ZDHHC1: variants seen among roughly 807,000 people sequenced by gnomAD.
ZDHHC1 encodes the protein palmitoyltransferase ZDHHC1.
A neutral mutation model predicts 46.9 loss-of-function variants in ZDHHC1; 45 were observed. The observed-to-expected ratio is 0.96, with a 90% CI of 0.76 to 1.23. ZDHHC1 has a LOEUF of 1.23. Among genes scored for constraint, ZDHHC1 ranks in the 50% most tolerant of loss-of-function variants. The pLI, the probability that ZDHHC1 is intolerant of heterozygous loss-of-function variation, is 0.00. For synonymous variants in ZDHHC1, 291 were observed against 286.0 expected (o/e 1.02, Z -0.18); for missense variants, 649 against 670.8 (o/e 0.97, Z 0.36).
At chr16:67,400,326 GA>G (rs2040526731) in intron 4 of ZDHHC1, among the ~76,000 whole-genome samples, 1 of 152,168 alleles carries the variant, frequency 6.6e-6, no homozygotes, top group Non-Finnish European at 1.5e-5. Flanking sequence ...GAAGGGTGGA[GA>G]GGGGCCCCTA....
At position 67,394,716 on chromosome 16, in the gene ZDHHC1, C is replaced by A; in HGVS notation, c.1343G>T (p.Gly448Val). Residue 448 changes from glycine (G) to valine (V), a missense_variant, in exon 12 of 12, where the codon GGC becomes GTC. Physicochemically the swap from Gly to Val is moderately radical, Grantham distance 109 (BLOSUM62 -3). Transcript: ENST00000565726. ...SAALAAPRGR[G>V]RQPTLARQAR... Reference sequence around the variant, plus strand: ...CTGCCGCGCCAGCGTGGGCTGTCGGCCCCGGCCCCGCGGGGCGGCCAGAGC... The same window carrying A: ...CTGCCGCGCCAGCGTGGGCTGTCGGACCCGGCCCCGCGGGGCGGCCAGAGC... The A allele has an allele frequency of 7.3e-7, 1 of 1,365,144 alleles. No homozygotes were observed. Among genetic ancestry groups the A allele is most frequent in the Admixed American group, 3.6e-5 (1 of 27,796 alleles). The allele number at this position is 1,365,144 out of a possible 1,614,324, so 84.6% of individuals were successfully genotyped here. A position where few individuals can be genotyped will look rare whatever the true frequency, so the allele number is the denominator to read the frequency against.
Position 67,408,277 on chromosome 16 carries a change from C to G in ZDHHC1, c.-38-464G>C, listed in dbSNP as rs547975472. Among the ~76,000 whole-genome samples the G allele has an allele frequency of 1.0e-3, 153 of 146,598 alleles. No individual in the cohort carries two copies. The Middle Eastern group carries it at 0.031, about 29-fold the overall frequency. ...ACCTCCTGGGCTCAAGTGATCCTCC[C>G]ACCTCAGCCTCCAGAGTAGCTGGAA... On this transcript the variant is annotated intron_variant, in intron 1 of 11. Coordinates refer to ENST00000565726, the MANE Select transcript of ZDHHC1 (RefSeq NM_001323627.2).
In ZDHHC1 at chr16:67,394,997, C is replaced by A. The variant is rs781131708; in HGVS notation, c.1165+5G>T. 5 of 1,607,910 alleles carry A rather than the reference C, an allele frequency of 3.1e-6. No homozygotes were observed. Among genetic ancestry groups the A allele is most frequent in the Non-Finnish European group, 4.2e-6 (5 of 1,177,328 alleles). ...AGCAGGACCCGGACAGGGAGAGGCGCTCACCCGACGCCGGATCCGAGGTCT... is the reference window on the plus strand; with the variant it reads ...AGCAGGACCCGGACAGGGAGAGGCGATCACCCGACGCCGGATCCGAGGTCT... On this transcript the variant is annotated splice_donor_5th_base_variant and intron_variant, in intron 11 of 11. Coordinates refer to ENST00000565726, the MANE Select transcript of ZDHHC1 (RefSeq NM_001323627.2).
intron 8 of ZDHHC1, chr16:67,395,844 G>C: frequency 2.2e-6 from 1 of 447,266 alleles, no homozygotes; most frequent in Non-Finnish European, 4.1e-6. Flanking sequence ...GCCCAGTTTA[G>C]AGAGGCTCAG....
intron 1 of ZDHHC1, among the ~76,000 whole-genome samples, chr16:67,408,477 G>C (rs1189847723): frequency 6.6e-6 from 1 of 150,748 alleles, no homozygotes; most frequent in African/African-American, 2.4e-5. Context: ...GCCCGGCCTT[G>C]CTTTGTTTTG....
At chr16:67,400,876 T>A in intron 4 of ZDHHC1, 81 bp downstream of exon 4, 1 of 1,509,530 alleles carries the variant, frequency 6.6e-7, no homozygotes, top group African/African-American at 1.4e-5. Flanking sequence ...GCATCAGGGA[T>A]GTCTGTGAAG....
At chr16:67,404,393 G>A in intron 3 of ZDHHC1, 1 of 248,796 alleles carries the variant, frequency 4.0e-6, no homozygotes, top group Non-Finnish European at 8.3e-6. Flanking sequence ...GGCTCAGCTT[G>A]TATCCCTAAG....
chr16:67,398,220 G>C lies in ZDHHC1; in HGVS notation c.919C>G (p.Pro307Ala), dbSNP rs141973581. The C allele has an allele frequency of 1.2e-6, 2 of 1,614,026 alleles. No individual in the cohort carries two copies. The highest frequency in any genetic ancestry group is 2.7e-5 in the African/African-American group (2 of 74,936). Residue 307 changes from proline to alanine, a missense_variant, in exon 8 of 12, where the codon CCC becomes GCC. Coordinates refer to ENST00000565726, the MANE Select transcript of ZDHHC1 (RefSeq NM_001323627.2). The stretch of plus-strand genomic sequence containing the variant: ...CCCTTCATCCTCTATACCTGAATGG[G>C]CCGCATCTTGGGAGGACATGACTCG... ...ELESCPPKMR[P>A]IQEMEFYMRT...
chr16:67,400,941 A>C lies in ZDHHC1; in HGVS notation c.428+16T>G. On this transcript the variant is annotated intron_variant, in intron 4 of 11. Transcript: ENST00000565726. ...CACAGCACACTCGGCAGCCACAAGC[A>C]CCCACACACACTCACACATCCACGT... 1.2e-6 allele frequency: 2 copies of C among 1,611,926 alleles called. No homozygotes were observed. The highest frequency in any genetic ancestry group is 1.7e-6 in the Non-Finnish European group (2 of 1,178,876).
chr16:67,411,180 G>A (rs1234733270), intron 1 of ZDHHC1, among the ~76,000 whole-genome samples: 1 of 152,110 alleles, frequency 6.6e-6, no homozygotes, highest in African/African-American at 2.4e-5. Context: ...ACCAGCCCTG[G>A]AGAGACTGCG....
Position 67,394,804 on chromosome 16 carries a change from G to GGACGT in ZDHHC1, c.1254_1255insACGTC (p.His419ThrfsTer48). ...TCCACGGACTCTGCCGACGCCGAGT[G>GGACGT]GTAGGCGCCGGCAGGGCCAGCGGCG... is the stretch of plus-strand genomic sequence containing the variant. On this transcript the variant is annotated frameshift_variant, in exon 12 of 12. Coordinates refer to ENST00000565726, the MANE Select transcript of ZDHHC1 (RefSeq NM_001323627.2). LOFTEE classifies it low-confidence loss of function (END_TRUNC). 2 of 1,532,058 alleles carry GGACGT rather than the reference G, an allele frequency of 1.3e-6. No homozygotes were observed. The highest frequency in any genetic ancestry group is 1.2e-5 in the South Asian group (1 of 82,934). 94.9% of individuals were successfully genotyped at this position (1,532,058 alleles called of 1,614,324 possible).
chr16:67,395,222 CTG>C lies in ZDHHC1; in HGVS notation c.1067_1068del (p.Pro356ArgfsTer21). ...GQAEPPPPSS[P>X]DTLALPPRIR... Reference sequence around the variant, plus strand: ...ATCCGGGGAGGCAGGGCGAGAGTGTCTGGGGAAGAGGGTGGTGGAGGTTCCGC... The same window carrying C: ...ATCCGGGGAGGCAGGGCGAGAGTGTCGGGAAGAGGGTGGTGGAGGTTCCGC... On this transcript the variant is annotated frameshift_variant, in exon 10 of 12. Coordinates refer to ENST00000565726, the MANE Select transcript of ZDHHC1 (RefSeq NM_001323627.2). LOFTEE classifies it high-confidence loss of function. The C allele has an allele frequency of 6.2e-7, 1 of 1,608,826 alleles. No individual in the cohort carries two copies. Among genetic ancestry groups the C allele is most frequent in the African/African-American group, 1.3e-5 (1 of 74,984 alleles).
Position 67,406,675 on chromosome 16 carries a change from G to A in ZDHHC1, c.10-233C>T, listed in dbSNP as rs1307176789. Among the ~76,000 whole-genome samples, 1 of 152,220 alleles carries A rather than the reference G, an allele frequency of 6.6e-6. No individual in the cohort carries two copies. Among genetic ancestry groups the A allele is most frequent in the Non-Finnish European group, 1.5e-5 (1 of 68,040 alleles). ...CCCTAGACTGGCCAGGACAAGGTAG[G>A]AGGGCCCAGGATTTATTCAGGACAC... On this transcript the variant is annotated intron_variant, in intron 2 of 11. Transcript: ENST00000565726. The surrounding 1 kb of genome is among the most constrained non-coding windows in gnomAD (Gnocchi z 4.1).
In ZDHHC1 at chr16:67,400,981, T is replaced by C. The variant is rs774476869; in HGVS notation, c.404A>G (p.His135Arg). ...CACATCCACGTTGCACAAGTTGCAG[T>C]GCAGGTCTTCAATGACATGTGCGTG... ...SQHAHVIEDL[H>R]CNLCNVDVSA... The change falls in exon 4 of 12, where the codon CAC becomes CGC. Residue 135 changes from histidine to arginine, a missense_variant. Physicochemically the swap from His to Arg is conservative, Grantham distance 29. Transcript: ENST00000565726. The C allele has an allele frequency of 1.2e-6, 2 of 1,614,036 alleles. No individual in the cohort carries two copies. The highest frequency in any genetic ancestry group is 1.7e-5 in the Admixed American group (1 of 60,016).
At chr16:67,407,345 A>G (rs9929258) in intron 2 of ZDHHC1, among the ~76,000 whole-genome samples, 27,096 of 152,256 alleles carry the variant, frequency 0.18, 5,753 homozygotes, top group African/African-American at 0.51. Flanking sequence ...CCTGGGAGAC[A>G]GGCCAGCTCT....
intron 8 of ZDHHC1, chr16:67,396,076 C>G (rs1370225680): frequency 6.4e-6 from 1 of 155,608 alleles, no homozygotes; most frequent in Non-Finnish European, 1.4e-5. Flanking sequence ...ATGCGGTGGT[C>G]TCCCTGCCAC....
intron 4 of ZDHHC1, among the ~76,000 whole-genome samples, chr16:67,400,716 A>G (rs1255285837): frequency 2.0e-5 from 3 of 152,234 alleles, no homozygotes; most frequent in Non-Finnish European, 4.4e-5. Flanking sequence ...CTCATTAGAA[A>G]TGTTTGGGCA....
chr16:67,400,949 A>G lies in ZDHHC1; in HGVS notation c.428+8T>C. On this transcript the variant is annotated splice_region_variant and intron_variant, in intron 4 of 11. Transcript: ENST00000565726. ...ACTCGGCAGCCACAAGCACCCACAC[A>G]CACTCACACATCCACGTTGCACAAG... 1 of 1,613,044 alleles carries G rather than the reference A, an allele frequency of 6.2e-7. No individual in the cohort carries two copies. Among genetic ancestry groups the G allele is most frequent in the South Asian group, 1.1e-5 (1 of 90,990 alleles).
intron 1 of ZDHHC1, among the ~76,000 whole-genome samples, chr16:67,410,135 G>A (rs2040727506): frequency 6.6e-6 from 1 of 152,204 alleles, no homozygotes; most frequent in Non-Finnish European, 1.5e-5. Flanking sequence ...GGCAAAGCAG[G>A]CTGAAGGCAT....
Sources: allele counts gnomAD v4.1 joint callset (sites outside exome capture counted in the v4.1 genomes callset), GRCh38; gene constraint gnomAD v4.1.1; non-coding constraint Gnocchi (gnomAD v3.1); transcripts MANE v1.5; gene names NCBI Gene and HGNC (gene_info 2026-07-23, HGNC 2026-07-21).